TMEFF1: variants seen among roughly 807,000 people sequenced by gnomAD.
TMEFF1 encodes tomoregulin-1.
A neutral mutation model predicts 47.5 loss-of-function variants in TMEFF1; 20 were observed. That is an observed-to-expected ratio of 0.42 (90% CI 0.30 to 0.61). The LOEUF is 0.61. Among genes scored for constraint, TMEFF1 ranks in the 20% least tolerant of loss-of-function variants. The pLI is 0.19. For synonymous variants in TMEFF1, 162 were observed against 166.3 expected (o/e 0.97, Z 0.20); for missense variants, 411 against 471.1 (o/e 0.87, Z 1.18).
At chr9:100,485,681 A>G (rs898019124) in intron 1 of TMEFF1, among the ~76,000 whole-genome samples, 1 of 151,500 alleles carries the variant, frequency 6.6e-6, no homozygotes, top group African/African-American at 2.4e-5. Context: ...CATTTTTTAC[A>G]TTGTTAGAAA....
chr9:100,545,615 T>A (rs953490514), intron 5 of TMEFF1, among the ~76,000 whole-genome samples: 1 of 152,240 alleles, frequency 6.6e-6, no homozygotes, highest in Non-Finnish European at 1.5e-5. Context: ...TGCTTGTAAC[T>A]TATGCAAATT....
At chr9:100,475,721 G>A (rs1837212861) in intron 1 of TMEFF1, among the ~76,000 whole-genome samples, 1 of 129,398 alleles carries the variant, frequency 7.7e-6, no homozygotes, top group South Asian at 3.6e-4. Context: ...GCGACTGTGT[G>A]TGTGTGTGTG....
At chr9:100,495,517 C>CT (rs1421189417) in intron 1 of TMEFF1, among the ~76,000 whole-genome samples, 4 of 152,128 alleles carry the variant, frequency 2.6e-5, no homozygotes, top group Non-Finnish European at 5.9e-5. Context: ...TTGAATTCAT[C>CT]ACTAATTGTT....
At chr9:100,482,318 C>T (rs1014561465) in intron 1 of TMEFF1, among the ~76,000 whole-genome samples, 1 of 152,062 alleles carries the variant, frequency 6.6e-6, no homozygotes, top group Non-Finnish European at 1.5e-5. Flanking sequence ...CTGCCTCAAC[C>T]TCCAGAGTAG....
At chr9:100,535,049 G>T (rs773016176) in intron 5 of TMEFF1, among the ~76,000 whole-genome samples, 4 of 152,098 alleles carry the variant, frequency 2.6e-5, no homozygotes, top group Non-Finnish European at 4.4e-5. Flanking sequence ...TTTAGCTTCT[G>T]GGTGTGCAAA....
At chr9:100,527,263 C>G (rs1838279378) in intron 5 of TMEFF1, among the ~76,000 whole-genome samples, 1 of 152,206 alleles carries the variant, frequency 6.6e-6, no homozygotes, top group Non-Finnish European at 1.5e-5. Context: ...AGGAACAGCT[C>G]CGGTCTACAG....
intron 1 of TMEFF1, among the ~76,000 whole-genome samples, chr9:100,475,051 C>T (rs146645033): frequency 1.3e-5 from 2 of 152,260 alleles, no homozygotes; most frequent in African/African-American, 4.8e-5. Context: ...ATTCTGGAGC[C>T]TTCTCTTGTC....
At chr9:100,516,585 A>G in intron 4 of TMEFF1, 90 bp from the exon 5 acceptor site, 1 of 1,480,688 alleles carries the variant, frequency 6.8e-7, no homozygotes, top group South Asian at 1.4e-5. Context: ...CATTTTCCTC[A>G]GAAACAGGAT....
chr9:100,514,837 A>T (rs1375660916), intron 4 of TMEFF1, among the ~76,000 whole-genome samples: 1 of 152,082 alleles, frequency 6.6e-6, no homozygotes, highest in Non-Finnish European at 1.5e-5. Flanking sequence ...TCTACTAAAA[A>T]TGCAAAAATT....
At chr9:100,512,493 C>T (rs150134933) in intron 3 of TMEFF1, among the ~76,000 whole-genome samples, 8 of 152,160 alleles carry the variant, frequency 5.3e-5, no homozygotes, top group African/African-American at 1.7e-4. Flanking sequence ...GTATCCTCTC[C>T]CCTGGCAAGT....
At chr9:100,527,181 A>T (rs1462709937) in intron 5 of TMEFF1, among the ~76,000 whole-genome samples, 1 of 151,666 alleles carries the variant, frequency 6.6e-6, no homozygotes, top group Non-Finnish European at 1.5e-5. Flanking sequence ...GAAAGATTGG[A>T]ATGGATGTGT....
At chr9:100,488,002 C>T (rs1437692814) in intron 1 of TMEFF1, among the ~76,000 whole-genome samples, 1 of 151,280 alleles carries the variant, frequency 6.6e-6, no homozygotes, top group Non-Finnish European at 1.5e-5. Context: ...TGGGTGATTT[C>T]CCTGGGTTCT....
At chr9:100,508,237 G>T (rs960989363) in intron 2 of TMEFF1, among the ~76,000 whole-genome samples, 1 of 152,012 alleles carries the variant, frequency 6.6e-6, no homozygotes, top group Non-Finnish European at 1.5e-5. Flanking sequence ...ATTTTCCCCA[G>T]ATTTTAAAAC....
intron 7 of TMEFF1, among the ~76,000 whole-genome samples, chr9:100,556,893 T>C (rs1054341474): frequency 3.3e-5 from 5 of 152,044 alleles, no homozygotes; most frequent in African/African-American, 1.2e-4. Flanking sequence ...TCACCTAGGC[T>C]GGAGTGCAGT....
intron 3 of TMEFF1, 136 bp downstream of exon 3, chr9:100,509,270 C>A: frequency 8.0e-7 from 1 of 1,245,294 alleles, no homozygotes; most frequent in African/African-American, 1.6e-5. Context: ...TAGGGGAAAT[C>A]TTTTTTGCCC....
intron 5 of TMEFF1, among the ~76,000 whole-genome samples, chr9:100,520,705 A>T (rs940232106): frequency 1.3e-5 from 2 of 152,266 alleles, no homozygotes; most frequent in African/African-American, 4.8e-5. Flanking sequence ...TACACATAAT[A>T]TATTTTTAAG....
intron 5 of TMEFF1, among the ~76,000 whole-genome samples, chr9:100,536,479 C>G (rs1838510533): frequency 6.6e-6 from 1 of 152,062 alleles, no homozygotes. Flanking sequence ...TTTAATACCT[C>G]AAGTTTTGTT....
chr9:100,542,923 C>CTTTT (rs34994276), intron 5 of TMEFF1, among the ~76,000 whole-genome samples: 47 of 104,552 alleles, frequency 4.5e-4, no homozygotes, highest in South Asian at 6.4e-4. Context: ...CTCTCTCTCT[C>CTTTT]TTTTTTTTTT....
chr9:100,536,332 A>C (rs868665219), intron 5 of TMEFF1, among the ~76,000 whole-genome samples: 1 of 152,164 alleles, frequency 6.6e-6, no homozygotes, highest in Non-Finnish European at 1.5e-5. Context: ...GGCTCAAAAA[A>C]TTTTTTAAAT....
Sources: gnomAD v4.1 joint callset for allele counts (sites outside exome capture counted in the v4.1 genomes callset) on GRCh38, gnomAD v4.1.1 for gene constraint, MANE v1.5 for transcripts, NCBI Gene and HGNC (gene_info 2026-07-23, HGNC 2026-07-21) for gene names.